SH3PXD2B: variants seen among roughly 807,000 people sequenced by gnomAD.
The protein encoded by SH3PXD2B is SH3 and PX domains 2B.
In SH3PXD2B, 37 loss-of-function variants were observed where a neutral mutation model predicts 73.1. The ratio of observed to expected loss-of-function variants is 0.51; its 90% CI spans 0.39 to 0.67. The LOEUF (loss-of-function observed/expected upper bound fraction) is 0.67, where lower values mean the gene tolerates loss of function less well. Ranked by LOEUF, SH3PXD2B falls within the 30% of genes least tolerant of loss-of-function variation. SH3PXD2B has a pLI of 0.00. For missense variants in SH3PXD2B, 1,053 were observed against 1,197.8 expected, an observed-to-expected ratio of 0.88 and a Z score of 1.78; for synonymous variants, 457 against 480.5, an observed-to-expected ratio of 0.95 and a Z score of 0.64.
At chr5:172,332,224 G>C (rs1238570620), downstream of SH3PXD2B, among the ~76,000 whole-genome samples, 1 of 151,738 alleles carries the variant, frequency 6.6e-6, no homozygotes, top group South Asian at 2.1e-4. Flanking sequence ...TGCTCCTATG[G>C]GGGCCCAGAA....
intron 2 of SH3PXD2B, among the ~76,000 whole-genome samples, chr5:172,415,035 A>G (rs1758788441): frequency 6.6e-6 from 1 of 152,164 alleles, no homozygotes; most frequent in Admixed American, 6.5e-5. Context: ...CCCTCTGTGA[A>G]CACCTGGATT....
At chr5:172,438,489 C>A (rs1038777338) in intron 1 of SH3PXD2B, among the ~76,000 whole-genome samples, 2 of 152,150 alleles carry the variant, frequency 1.3e-5, no homozygotes, top group African/African-American at 4.8e-5. Context: ...GCCACACAGT[C>A]AAAAACCAAG....
intron 1 of SH3PXD2B, among the ~76,000 whole-genome samples, chr5:172,440,297 C>G (rs566095760): frequency 6.6e-6 from 1 of 152,348 alleles, no homozygotes; most frequent in Admixed American, 6.5e-5. Context: ...TCCTCCTACA[C>G]AATCACCCGC....
downstream of SH3PXD2B, among the ~76,000 whole-genome samples, chr5:172,329,078 T>C (rs2113216334): frequency 2.2e-5 from 2 of 89,794 alleles, no homozygotes; most frequent in South Asian, 6.4e-4. Flanking sequence ...TATATATATA[T>C]ATATATTTTT....
chr5:172,379,069 CAAAA>C (rs61301407), intron 5 of SH3PXD2B, among the ~76,000 whole-genome samples: 10 of 76,004 alleles, frequency 1.3e-4, no homozygotes, highest in African/African-American at 3.0e-4. Context: ...GACTCTGTCT[CAAAA>C]AAAAAAAAAA....
At chr5:172,357,689 G>A (rs1411029479) in intron 8 of SH3PXD2B, among the ~76,000 whole-genome samples, 1 of 152,118 alleles carries the variant, frequency 6.6e-6, no homozygotes, top group Non-Finnish European at 1.5e-5. Context: ...GATTCTGATG[G>A]TAACCCTGTG....
At chr5:172,343,068 A>G (rs558531727) in intron 12 of SH3PXD2B, among the ~76,000 whole-genome samples, 2 of 152,368 alleles carry the variant, frequency 1.3e-5, no homozygotes, top group South Asian at 2.1e-4. Flanking sequence ...GCTAATGCAT[A>G]CAACAGCACT....
At chr5:172,348,547 C>T (rs1471608493) in intron 10 of SH3PXD2B, among the ~76,000 whole-genome samples, 3 of 151,968 alleles carry the variant, frequency 2.0e-5, no homozygotes, top group Admixed American at 6.6e-5. Flanking sequence ...ATATCTAGAT[C>T]GTTTATTGGA....
Position 172,422,481 on chromosome 5 carries a change from C to T in SH3PXD2B, c.91G>A (p.Val31Ile). ...TCGGTGGAGCCGCTGGACCACGTGA[C>T]CCGGATGATGTAGACCTGCGGGAGC... ...PNKHYVYIIR[V>I]TWSSGSTEAI... is the part of the protein sequence containing the mutation. The change falls in exon 2 of 13, where the codon GTC becomes ATC. Residue 31 changes from valine to isoleucine, a missense_variant. Physicochemically the swap from Val to Ile is conservative, Grantham distance 29 (BLOSUM62 3). Transcript: ENST00000311601. 1 of 1,611,850 alleles carries T rather than the reference C, an allele frequency of 6.2e-7. No homozygotes were observed. Among genetic ancestry groups the T allele is most frequent in the Middle Eastern group, 1.7e-4 (1 of 6,054 alleles).
In SH3PXD2B at chr5:172,454,318, A is replaced by G; in HGVS notation, c.35T>C (p.Val12Ala). ...CACCCGCCGCTTCTGCACGTCTAGC[A>G]CCTTCACCTCCACGATGCTGCGCCG... is the stretch of plus-strand genomic sequence containing the variant. ...PPRRSIVEVK[V>A]LDVQKRRVPN... The change falls in exon 1 of 13, where the codon GTG (valine) becomes GCG (alanine). Residue 12 changes from valine to alanine, a missense_variant. Physicochemically the swap from Val to Ala is moderately conservative, Grantham distance 64. Transcript: ENST00000311601. 1.9e-6 allele frequency: 3 copies of G among 1,593,494 alleles called. No individual in the cohort carries two copies. Among genetic ancestry groups the G allele is most frequent in the Non-Finnish European group, 2.6e-6 (3 of 1,173,238 alleles).
rs189550115 is a variant in SH3PXD2B, at chr5:172,348,451, A to G, written c.1013-1119T>C. On this transcript the variant is annotated intron_variant, in intron 10 of 12. Coordinates refer to ENST00000311601, the MANE Select transcript of SH3PXD2B (RefSeq NM_001017995.3). ...CCGAGGGATGAGGGCAACAAGATAG[A>G]TGTGGAGTAATAAGACTCTTGATTG... Among the ~76,000 whole-genome samples the G allele has an allele frequency of 2.0e-3, 306 of 152,106 alleles. 2 individuals carry two copies. Among genetic ancestry groups the G allele is most frequent in the Admixed American group, 0.017 (260 of 15,280 alleles).
chr5:172,397,473 T>C (rs538888779), intron 3 of SH3PXD2B, among the ~76,000 whole-genome samples: 5 of 152,314 alleles, frequency 3.3e-5, no homozygotes, highest in Admixed American at 2.6e-4. Flanking sequence ...CCTCCCCTTT[T>C]GAAAATCACT....
Position 172,338,638 on chromosome 5 carries a change from T to A in SH3PXD2B, c.2467A>T (p.Ser823Cys). The change falls in exon 13 of 13, where the codon AGC becomes TGC. Residue 823 changes from serine (S) to cysteine (C), a missense_variant. Ser to Cys is a moderately radical substitution (Grantham distance 112, BLOSUM62 -1). Coordinates refer to ENST00000311601, the MANE Select transcript of SH3PXD2B (RefSeq NM_001017995.3). The surrounding 1 kb of genome is among the most constrained non-coding windows in gnomAD (Gnocchi z 5.1). ...TTGCCGGTCCCCCATGGCCCCAGGC[T>A]GCCTTTGCCTCGCGTGTCATCCTGG... ...GGQDDTRGKGSLGPWGTGKIG... is the reference protein window; with the variant it reads ...GGQDDTRGKGCLGPWGTGKIG... The A allele has an allele frequency of 6.2e-7, 1 of 1,614,200 alleles. No homozygotes were observed. Among genetic ancestry groups the A allele is most frequent in the Non-Finnish European group, 8.5e-7 (1 of 1,180,040 alleles).
Position 172,336,812 on chromosome 5 carries a change from T to C in SH3PXD2B, c.*1557A>G, listed in dbSNP as rs1756707421. ...TAGAAATGCTGGGTCCTGATTTTGCTTCTGCAGTGATTTAGTCATGCCTCT... is the reference window on the plus strand; with the variant it reads ...TAGAAATGCTGGGTCCTGATTTTGCCTCTGCAGTGATTTAGTCATGCCTCT... On this transcript the variant is annotated 3_prime_UTR_variant, in exon 13 of 13. Transcript: ENST00000311601. 1 of 985,664 alleles carries C rather than the reference T, an allele frequency of 1.0e-6. No individual in the cohort carries two copies. Among genetic ancestry groups the C allele is most frequent in the Non-Finnish European group, 1.2e-6 (1 of 830,116 alleles). The allele number at this position is 985,664 out of a possible 1,614,324, so 61.1% of individuals were successfully genotyped here. A position where few individuals can be genotyped will look rare whatever the true frequency, so the allele number is the denominator to read the frequency against.
At chr5:172,327,736 A>G (rs1385215362) in intron 12 of SH3PXD2B, among the ~76,000 whole-genome samples, 4 of 141,760 alleles carry the variant, frequency 2.8e-5, no homozygotes, top group Non-Finnish European at 3.0e-5. Context: ...CTACGGGTGC[A>G]TACCACTGCA....
At chr5:172,420,752 C>A (rs1758946012) in intron 2 of SH3PXD2B, among the ~76,000 whole-genome samples, 1 of 152,190 alleles carries the variant, frequency 6.6e-6, no homozygotes, top group South Asian at 2.1e-4. Context: ...GAGCCTATGA[C>A]ACACAATAAT....
At chr5:172,428,446 C>T (rs762419244) in intron 1 of SH3PXD2B, among the ~76,000 whole-genome samples, 4 of 152,192 alleles carry the variant, frequency 2.6e-5, no homozygotes, top group Non-Finnish European at 5.9e-5. Context: ...TGAAAATGCA[C>T]GGCAACTGGA....
In SH3PXD2B at chr5:172,338,839, C is replaced by T; in HGVS notation, c.2266G>A (p.Val756Met). 1 of 1,613,900 alleles carries T rather than the reference C, an allele frequency of 6.2e-7. No homozygotes were observed. The highest frequency in any genetic ancestry group is 8.5e-7 in the Non-Finnish European group (1 of 1,179,812). ...GGAGGTGGTCTGCGGGGTGGGACCA[C>T]AGGTCTCTGCTGGGGAGCCTCTTGG... is the stretch of plus-strand genomic sequence containing the variant. The part of the protein sequence containing the change: ...PLQEAPQQRP[V>M]VPPRRPPPPK... The change falls in exon 13 of 13, where the codon GTG becomes ATG. Residue 756 changes from valine (V) to methionine (M), a missense_variant. Around this residue, in one of 2 missense-constraint regions of SH3PXD2B, gnomAD observed 587 missense variants for 590.7 expected, o/e 0.99. Transcript: ENST00000311601. This position sits in a 1 kb window ranked among gnomAD's most constrained non-coding sequence, Gnocchi z 5.1.
chr5:172,445,657 T>C lies in SH3PXD2B; in HGVS notation c.75+8621A>G, dbSNP rs1759643869. ...GTTTCTCATAAATATGTCCCAAATATTGCATGTTTATTTGAAACCGAAATT... is the reference window on the plus strand; with the variant it reads ...GTTTCTCATAAATATGTCCCAAATACTGCATGTTTATTTGAAACCGAAATT... On this transcript the variant is annotated intron_variant, in intron 1 of 12. Coordinates refer to ENST00000311601, the MANE Select transcript of SH3PXD2B (RefSeq NM_001017995.3). The surrounding 1 kb of genome is among the most constrained non-coding windows in gnomAD (Gnocchi z 5.2). 6.6e-6 allele frequency among the ~76,000 whole-genome samples: 1 copy of C among 152,252 alleles called. No homozygotes were observed. Among genetic ancestry groups the C allele is most frequent in the Non-Finnish European group, 1.5e-5 (1 of 68,048 alleles).
Sources: allele counts gnomAD v4.1 joint callset (sites outside exome capture counted in the v4.1 genomes callset), GRCh38; gene constraint gnomAD v4.1.1; regional missense constraint gnomAD v4.1.1; non-coding constraint Gnocchi (gnomAD v3.1); transcripts MANE v1.5; gene names NCBI Gene and HGNC (gene_info 2026-07-23, HGNC 2026-07-21).